STIMATE: variants seen among roughly 807,000 people sequenced by gnomAD.
STIMATE encodes the protein STIM activating enhancer, also known as store-operated calcium entry regulator STIMATE.
Under a neutral mutation model 36.7 loss-of-function variants are expected in STIMATE, and 15 were observed. The ratio of observed to expected loss-of-function variants is 0.41; its 90% confidence interval spans 0.27 to 0.63. The LOEUF is 0.63. STIMATE is among the 20% of genes least tolerant of loss of function. STIMATE has a pLI of 0.32. For synonymous variants in STIMATE, 163 were observed against 162.3 expected (o/e 1.00, Z -0.03); for missense variants, 305 against 397.3 (o/e 0.77, Z 1.98).
intron 4 of STIMATE, among the ~76,000 whole-genome samples, chr3:52,848,747 A>C (rs1700948803): frequency 6.6e-6 from 1 of 152,118 alleles, no homozygotes; most frequent in Non-Finnish European, 1.5e-5. Flanking sequence ...ACTGTGGTCC[A>C]TTTCTGTTCT....
intron 7 of STIMATE, chr3:52,841,624 T>C (rs1315716503): frequency 6.6e-6 from 1 of 152,444 alleles, no homozygotes; most frequent in Non-Finnish European, 1.5e-5. Flanking sequence ...TTCCCTGCAC[T>C]GTTCCCTTGC....
In STIMATE at chr3:52,860,451, G is replaced by GACAGCAGGCAGA. The variant is rs1166773411; in HGVS notation, c.161-5019_161-5008dup. Among the ~76,000 whole-genome samples the GACAGCAGGCAGA allele has an allele frequency of 7.2e-5, 11 of 152,278 alleles. No individual in the cohort carries two copies. The South Asian group carries it at 2.3e-3, about 32-fold the overall frequency. Reference sequence around the variant, plus strand: ...GAGCCGTCCAGGCAGAGGGCTGGAGGACAGCAGGCAGAACAGCAGGGCGTG... The same window carrying GACAGCAGGCAGA: ...GAGCCGTCCAGGCAGAGGGCTGGAGGACAGCAGGCAGAACAGCAGGCAGAACAGCAGGGCGTG... On this transcript the variant is annotated intron_variant, in intron 1 of 7. Coordinates refer to ENST00000355083, the MANE Select transcript of STIMATE (RefSeq NM_198563.5).
At chr3:52,857,315 A>C (rs757926528) in intron 1 of STIMATE, among the ~76,000 whole-genome samples, 1 of 152,206 alleles carries the variant, frequency 6.6e-6, no homozygotes, top group Non-Finnish European at 1.5e-5. Context: ...ACAACGCCAG[A>C]GAATATGGAG....
At chr3:52,890,029 AC>A in intron 1 of STIMATE, among the ~76,000 whole-genome samples, 1 of 150,934 alleles carries the variant, frequency 6.6e-6, no homozygotes, top group South Asian at 2.1e-4. Flanking sequence ...TGCTCTTACC[AC>A]CCCCTCCATG....
At chr3:52,870,353 G>A (rs551793624) in intron 1 of STIMATE, among the ~76,000 whole-genome samples, 35 of 152,114 alleles carry the variant, frequency 2.3e-4, no homozygotes, top group Admixed American at 1.0e-3. Flanking sequence ...AAACAACCAC[G>A]ATCACTGGTG....
At chr3:52,885,414 C>A (rs1559499060) in intron 1 of STIMATE, among the ~76,000 whole-genome samples, 1 of 152,166 alleles carries the variant, frequency 6.6e-6, no homozygotes, top group Admixed American at 6.5e-5. Flanking sequence ...ACTTTGTACT[C>A]TTTTCTCTAG....
intron 1 of STIMATE, among the ~76,000 whole-genome samples, chr3:52,862,393 C>T (rs11708390): frequency 3.9e-5 from 6 of 152,200 alleles, no homozygotes; most frequent in Admixed American, 2.0e-4. Context: ...CAGCACTGAG[C>T]ACTTACTCTG....
intron 1 of STIMATE, among the ~76,000 whole-genome samples, chr3:52,884,245 A>G (rs1701656481): frequency 7.4e-6 from 1 of 134,804 alleles, no homozygotes; most frequent in South Asian, 2.5e-4. Context: ...TCACCCAAAA[A>G]GTTTTTTTTT....
intron 1 of STIMATE, among the ~76,000 whole-genome samples, chr3:52,862,171 A>C (rs1701228277): frequency 1.3e-5 from 2 of 151,062 alleles, no homozygotes; most frequent in African/African-American, 4.9e-5. Flanking sequence ...GGGGCTCCTT[A>C]CTCTCCTCCT....
At chr3:52,868,879 C>T (rs1034553172) in intron 1 of STIMATE, among the ~76,000 whole-genome samples, 5 of 152,292 alleles carry the variant, frequency 3.3e-5, no homozygotes, top group African/African-American at 1.2e-4. Flanking sequence ...CTTGGCCTCC[C>T]AAAGTGCTGA....
At chr3:52,845,828 G>A (rs564171380) in intron 4 of STIMATE, among the ~76,000 whole-genome samples, 1 of 152,098 alleles carries the variant, frequency 6.6e-6, no homozygotes, top group East Asian at 1.9e-4. Context: ...GAGACCCAGG[G>A]GAGAGTGGGA....
intron 6 of STIMATE, 177 bp from the exon 7 acceptor site, chr3:52,843,137 C>T: frequency 2.5e-6 from 3 of 1,216,646 alleles, no homozygotes; most frequent in Non-Finnish European, 3.3e-6. Flanking sequence ...CCAGTCTCCA[C>T]ATCCTCGGGT....
intron 1 of STIMATE, among the ~76,000 whole-genome samples, chr3:52,874,926 T>C (rs1365046751): frequency 2.0e-5 from 3 of 152,206 alleles, no homozygotes; most frequent in Admixed American, 1.3e-4. Flanking sequence ...ATTTTGCACA[T>C]TAGATAATTA....
At chr3:52,840,655 C>A in intron 7 of STIMATE, 45 bp from the exon 8 acceptor site, 1 of 1,569,700 alleles carries the variant, frequency 6.4e-7, no homozygotes, top group Non-Finnish European at 8.7e-7. Flanking sequence ...CCAGCAGGGC[C>A]TTCTTCATTT....
At chr3:52,895,910 C>T (rs756403479) in intron 1 of STIMATE, 100 of 1,289,638 alleles carry the variant, frequency 7.8e-5, no homozygotes, top group Non-Finnish European at 8.3e-5. Flanking sequence ...ACAGTACATG[C>T]GCCCAAGTCA....
intron 1 of STIMATE, among the ~76,000 whole-genome samples, chr3:52,890,796 T>A (rs78274724): frequency 0.024 from 3,713 of 152,310 alleles, 176 homozygotes; most frequent in African/African-American, 0.085. Context: ...GCAGGTAACC[T>A]GAAGCCACCC....
chr3:52,844,634 A>G (rs968572142), intron 5 of STIMATE, among the ~76,000 whole-genome samples, 195 bp downstream of exon 5: 1 of 152,246 alleles, frequency 6.6e-6, no homozygotes, highest in Non-Finnish European at 1.5e-5. Flanking sequence ...TTCATCTAGA[A>G]CAGACATTTA....
At chr3:52,872,194 C>T (rs1701419401) in intron 1 of STIMATE, among the ~76,000 whole-genome samples, 1 of 152,166 alleles carries the variant, frequency 6.6e-6, no homozygotes. Context: ...CATTTTCTTA[C>T]TACTGTCTTC....
chr3:52,843,263 G>A, intron 6 of STIMATE: 1 of 438,056 alleles, frequency 2.3e-6, no homozygotes, highest in South Asian at 2.8e-5. Context: ...CGCGTTCCAG[G>A]CCCCTCCCCA....
Sources: gnomAD v4.1 joint callset for allele counts (sites outside exome capture counted in the v4.1 genomes callset) on GRCh38, gnomAD v4.1.1 for gene constraint, MANE v1.5 for transcripts, NCBI Gene and HGNC (gene_info 2026-07-23, HGNC 2026-07-21) for gene names.